Variants in LIMK1 observed in about 807,000 individuals in gnomAD.
The protein encoded by LIMK1 is LIM motif-containing protein kinase.
Under a neutral mutation model 77.6 loss-of-function variants are expected in LIMK1, and 21 were observed. The observed-to-expected ratio is 0.27, with a 90% CI of 0.19 to 0.39. LIMK1 has a LOEUF of 0.39. Ranked by LOEUF, LIMK1 falls within the 10% of genes least tolerant of loss-of-function variation. LIMK1 has a pLI of 1.00. For synonymous variants in LIMK1, 358 were observed against 370.0 expected (o/e 0.97, Z 0.37); for missense variants, 696 against 901.6 (o/e 0.77, Z 2.92).
intron 13 of LIMK1, 124 bp from the exon 14 acceptor site, chr7:74,120,459 G>A (rs1799908004): frequency 1.2e-5 from 12 of 972,184 alleles, no homozygotes; most frequent in Non-Finnish European, 2.0e-5. Flanking sequence ...GAGGTTGCCG[G>A]CATCTGCCTC....
intron 12 of LIMK1, among the ~76,000 whole-genome samples, chr7:74,115,076 A>G (rs1163702210): frequency 6.6e-6 from 1 of 151,910 alleles, no homozygotes; most frequent in Admixed American, 6.6e-5. Context: ...AATCAACCTA[A>G]ATAAATAGTA....
At chr7:74,112,681 C>T (rs557443363) in intron 12 of LIMK1, among the ~76,000 whole-genome samples, 5 of 152,004 alleles carry the variant, frequency 3.3e-5, no homozygotes, top group East Asian at 1.9e-4. Flanking sequence ...AAAAATTAGC[C>T]GGGCGTGGTG....
chr7:74,087,788 C>T (rs782307561), intron 2 of LIMK1, among the ~76,000 whole-genome samples: 1 of 152,116 alleles, frequency 6.6e-6, no homozygotes, highest in Non-Finnish European at 1.5e-5. Flanking sequence ...TAGGGTTTTG[C>T]CATGTTGGCC....
At chr7:74,093,142 C>G in intron 2 of LIMK1, 7 of 1,475,582 alleles carry the variant, frequency 4.7e-6, no homozygotes, top group Non-Finnish European at 6.3e-6. Flanking sequence ...CTGGCCCCAC[C>G]CTCTGCAGCC....
intron 2 of LIMK1, among the ~76,000 whole-genome samples, chr7:74,092,545 G>A (rs1554694927): frequency 6.6e-6 from 1 of 152,144 alleles, no homozygotes; most frequent in African/African-American, 2.4e-5. Context: ...GCCCCTTGCA[G>A]GCCCTGCCTC....
rs782694773 is a variant in LIMK1, at chr7:74,115,831, G to A, written c.1440G>A (p.Gly480=). 3 of 1,614,164 alleles carry A rather than the reference G, an allele frequency of 1.9e-6. No homozygotes were observed. The highest frequency in any genetic ancestry group is 1.1e-5 in the South Asian group (1 of 91,088). ...AGAATGTGGTGGTGGCTGACTTCGG[G>A]CTGGCGCGTCTCATGGTGGACGAGA... ...ENKNVVVADF[G]LARLMVDEKT... is the part of the protein sequence containing the mutation. Residue 480 remains glycine, a synonymous_variant, in exon 13 of 16, where the codon GGG becomes GGA. Coordinates refer to ENST00000336180, the MANE Select transcript of LIMK1 (RefSeq NM_002314.4).
At chr7:74,104,561 G>A (rs1238456769) in intron 5 of LIMK1, among the ~76,000 whole-genome samples, 3 of 151,718 alleles carry the variant, frequency 2.0e-5, no homozygotes, top group African/African-American at 7.3e-5. Context: ...GGAGGCGGAA[G>A]TTGCAATGAG....
At chr7:74,084,694 ACCT>A (rs1248268392) in intron 1 of LIMK1, among the ~76,000 whole-genome samples, 2 of 151,300 alleles carry the variant, frequency 1.3e-5, no homozygotes, top group Admixed American at 1.3e-4. Context: ...ACTCATCCTA[ACCT>A]CCTCTTTAGC....
chr7:74,121,413 A>T lies in LIMK1; in HGVS notation c.*112A>T. On this transcript the variant is annotated 3_prime_UTR_variant, in exon 16 of 16. Coordinates refer to ENST00000336180, the MANE Select transcript of LIMK1 (RefSeq NM_002314.4). ...ACAGTGGGGACCCAGGCTTCTCCTC[A>T]GAGCCAGGCCCTGACTTGCCTTCTC... is the stretch of plus-strand genomic sequence containing the variant. The T allele has an allele frequency of 1.8e-6, 2 of 1,133,126 alleles. No individual in the cohort carries two copies. The allele number at this position is 1,133,126 out of a possible 1,614,324, so 70.2% of individuals were successfully genotyped here.
intron 2 of LIMK1, among the ~76,000 whole-genome samples, chr7:74,089,840 C>T (rs1373936580): frequency 2.6e-5 from 4 of 151,806 alleles, no homozygotes; most frequent in Admixed American, 2.0e-4. Context: ...AGGGCCAAGA[C>T]GAATGAAGGG....
chr7:74,120,727 A>G, intron 14 of LIMK1, 89 bp downstream of exon 14: 1 of 1,557,484 alleles, frequency 6.4e-7, no homozygotes, highest in Non-Finnish European at 8.8e-7. Flanking sequence ...CAGGGGCCTC[A>G]TGCCAGGAAG....
chr7:74,096,304 A>C (rs1050975276), intron 2 of LIMK1, among the ~76,000 whole-genome samples: 1 of 151,600 alleles, frequency 6.6e-6, no homozygotes, highest in Non-Finnish European at 1.5e-5. Flanking sequence ...GCTCAAGACC[A>C]TCCTGGCCAA....
chr7:74,094,092 C>CG (rs1799290936), intron 2 of LIMK1: 2 of 152,426 alleles, frequency 1.3e-5, no homozygotes, highest in African/African-American at 4.8e-5. Flanking sequence ...GGGTGCACAG[C>CG]GGGGGCCTCG....
intron 13 of LIMK1, among the ~76,000 whole-genome samples, chr7:74,117,449 A>T (rs1799838923): frequency 6.6e-6 from 1 of 152,144 alleles, no homozygotes; most frequent in African/African-American, 2.4e-5. Flanking sequence ...TACAAGTCCC[A>T]GGGATCAGGA....
intron 5 of LIMK1, among the ~76,000 whole-genome samples, chr7:74,099,786 C>G (rs897401497): frequency 6.6e-6 from 1 of 151,698 alleles, no homozygotes; most frequent in East Asian, 1.9e-4. Flanking sequence ...TTCTTTAGTC[C>G]ATGTCTGATC....
At chr7:74,119,656 C>T (rs1799892583) in intron 13 of LIMK1, among the ~76,000 whole-genome samples, 1 of 151,298 alleles carries the variant, frequency 6.6e-6, no homozygotes, top group Admixed American at 6.6e-5. Context: ...ACCTGTAATC[C>T]CAGCACTTTG....
chr7:74,107,230 G>A, intron 8 of LIMK1, 37 bp downstream of exon 8: 1 of 1,556,074 alleles, frequency 6.4e-7, no homozygotes, highest in Non-Finnish European at 8.7e-7. Flanking sequence ...GACAGTCTGG[G>A]TGGGACCCCT....
At chr7:74,104,393 A>G (rs1554697037) in intron 5 of LIMK1, among the ~76,000 whole-genome samples, 1 of 152,082 alleles carries the variant, frequency 6.6e-6, no homozygotes, top group African/African-American at 2.4e-5. Flanking sequence ...TGGGAGGCCA[A>G]GGTGGGTGGA....
chr7:74,101,943 G>C (rs1206484964), intron 5 of LIMK1, among the ~76,000 whole-genome samples: 3 of 151,932 alleles, frequency 2.0e-5, no homozygotes, highest in African/African-American at 7.3e-5. Flanking sequence ...ACTCACCTCG[G>C]CCTCCTGAGT....
Sources: gnomAD v4.1 joint callset for allele counts (sites outside exome capture counted in the v4.1 genomes callset) on GRCh38, gnomAD v4.1.1 for gene constraint, MANE v1.5 for transcripts, NCBI Gene and HGNC (gene_info 2026-07-23, HGNC 2026-07-21) for gene names.